Variants in RBFOX2 observed in about 807,000 individuals in gnomAD.
RBFOX2 encodes the protein RNA binding protein fox-1 homolog 2.
RBFOX2 carries 10 observed loss-of-function variants against 49.1 expected under a neutral mutation model. The ratio of observed to expected loss-of-function variants is 0.20; its 90% CI spans 0.13 to 0.35. The LOEUF is 0.35. Ranked by LOEUF, RBFOX2 falls within the 10% of genes least tolerant of loss-of-function variation. The probability of loss-of-function intolerance (pLI) is 1.00; values close to 1 mark genes in which losing one functional copy is unlikely to be tolerated. For synonymous variants in RBFOX2, 183 were observed against 187.4 expected (o/e 0.98, Z 0.19); for missense variants, 323 against 486.9 (o/e 0.66, Z 3.17).
At chr22:36,028,678 C>G (rs2059545307) in exon 1 of RBFOX2, among the ~76,000 whole-genome samples, 1 of 150,228 alleles carries the variant, frequency 6.7e-6, no homozygotes, top group Admixed American at 6.6e-5. Flanking sequence ...GTGATGAGCA[C>G]TCGCTCGCGC....
chr22:36,028,819 C>T (rs2146650841), exon 1 of RBFOX2, among the ~76,000 whole-genome samples: 1 of 151,924 alleles, frequency 6.6e-6, no homozygotes, highest in Admixed American at 6.5e-5. Flanking sequence ...AGGAAGGGGG[C>T]GGTCCGGGCT....
At chr22:35,805,146 C>T (rs554888948) in intron 2 of RBFOX2, among the ~76,000 whole-genome samples, 51 of 151,884 alleles carry the variant, frequency 3.4e-4, no homozygotes, top group South Asian at 2.7e-3. Flanking sequence ...AAAAATTAGC[C>T]GGGCGTGGTG....
chr22:36,021,084 A>G (rs1393632365), intron 1 of RBFOX2, among the ~76,000 whole-genome samples: 1 of 152,156 alleles, frequency 6.6e-6, no homozygotes, highest in Non-Finnish European at 1.5e-5. Flanking sequence ...GGATGAGTTC[A>G]CGTCCTTTGT....
intron 1 of RBFOX2, among the ~76,000 whole-genome samples, chr22:35,917,770 T>G (rs1738839247): frequency 6.6e-6 from 1 of 152,188 alleles, no homozygotes; most frequent in South Asian, 2.1e-4. Flanking sequence ...TAAATTTTCA[T>G]CATCACAATC....
intron 1 of RBFOX2, among the ~76,000 whole-genome samples, chr22:35,819,101 G>A (rs574110152): frequency 2.0e-5 from 3 of 152,150 alleles, no homozygotes; most frequent in African/African-American, 7.2e-5. Flanking sequence ...AATCATAAAC[G>A]TCTTCATCAT....
intron 2 of RBFOX2, among the ~76,000 whole-genome samples, chr22:35,786,373 T>C (rs1321023643): frequency 6.6e-6 from 1 of 152,256 alleles, no homozygotes. Flanking sequence ...TATCATTTCC[T>C]AAATTCTCAA....
At chr22:35,832,375 A>C (rs1569316187) in intron 1 of RBFOX2, among the ~76,000 whole-genome samples, 2 of 152,144 alleles carry the variant, frequency 1.3e-5, no homozygotes, top group African/African-American at 4.8e-5. Context: ...CCTGTCTCAA[A>C]AACAACAAAA....
chr22:35,937,439 C>T (rs973244614), intron 1 of RBFOX2, among the ~76,000 whole-genome samples: 4 of 152,124 alleles, frequency 2.6e-5, no homozygotes, highest in Admixed American at 6.5e-5. Flanking sequence ...CTTCTTCTCC[C>T]GATGCCTTAT....
intron 1 of RBFOX2, among the ~76,000 whole-genome samples, chr22:35,826,342 C>CAAAAAAAAAAAA (rs1160241662): frequency 1.6e-5 from 1 of 62,204 alleles, no homozygotes; most frequent in African/African-American, 5.4e-5. Context: ...AACTCCATCT[C>CAAAAAAAAAAAA]AAAAAAAAAA....
intron 1 of RBFOX2, chr22:35,897,851 C>A: frequency 1.4e-6 from 1 of 737,750 alleles, no homozygotes; most frequent in Admixed American, 1.8e-5. Context: ...TCTCCAACAG[C>A]CTTCTTTCTC....
chr22:35,888,012 C>G (rs746943417), intron 1 of RBFOX2, among the ~76,000 whole-genome samples: 5 of 152,136 alleles, frequency 3.3e-5, no homozygotes, highest in Non-Finnish European at 5.9e-5. Flanking sequence ...CCCTCCTAAG[C>G]CAGTTTAGAT....
intron 2 of RBFOX2, among the ~76,000 whole-genome samples, chr22:35,783,002 C>T (rs1205945869): frequency 6.6e-6 from 1 of 152,154 alleles, no homozygotes; most frequent in Non-Finnish European, 1.5e-5. Flanking sequence ...TGCCTGCACT[C>T]TGTTATTTTC....
intron 1 of RBFOX2, among the ~76,000 whole-genome samples, chr22:35,979,095 G>A (rs913290682): frequency 3.9e-5 from 6 of 152,156 alleles, no homozygotes; most frequent in Non-Finnish European, 8.8e-5. Flanking sequence ...TTTGCCTCCA[G>A]ATATGATGCA....
At chr22:35,830,299 C>T (rs111349498) in intron 1 of RBFOX2, among the ~76,000 whole-genome samples, 54 of 152,256 alleles carry the variant, frequency 3.5e-4, no homozygotes, top group African/African-American at 1.3e-3. Flanking sequence ...GCTAAACGAA[C>T]AATGCATACA....
At chr22:36,008,295 G>T (rs544602231) in intron 1 of RBFOX2, among the ~76,000 whole-genome samples, 1 of 152,172 alleles carries the variant, frequency 6.6e-6, no homozygotes, top group Non-Finnish European at 1.5e-5. Flanking sequence ...ATCTAGCAAT[G>T]TTTAACATGT....
chr22:35,970,029 A>T (rs1409535367), intron 1 of RBFOX2, among the ~76,000 whole-genome samples: 1 of 152,188 alleles, frequency 6.6e-6, no homozygotes, highest in Non-Finnish European at 1.5e-5. Flanking sequence ...AAAACAAACA[A>T]CATCTTAGCT....
chr22:35,973,662 T>C (rs1204709136), intron 1 of RBFOX2, among the ~76,000 whole-genome samples: 1 of 152,232 alleles, frequency 6.6e-6, no homozygotes, highest in Admixed American at 6.5e-5. Context: ...ACACAGTATC[T>C]GCTCTTATCT....
At chr22:36,015,722 A>G (rs2059007658) in intron 1 of RBFOX2, among the ~76,000 whole-genome samples, 1 of 152,234 alleles carries the variant, frequency 6.6e-6, no homozygotes, top group Admixed American at 6.5e-5. Flanking sequence ...ATGCTTTTGC[A>G]GATGAAGGAG....
intron 1 of RBFOX2, among the ~76,000 whole-genome samples, chr22:35,895,094 T>TTCTCTC (rs376377053): frequency 1.3e-5 from 2 of 150,336 alleles, no homozygotes; most frequent in Non-Finnish European, 3.0e-5. Flanking sequence ...CTCTCTCTCT[T>TTCTCTC]TCTCTCTCTC....
Sources: allele counts gnomAD v4.1 joint callset (sites outside exome capture counted in the v4.1 genomes callset), GRCh38; gene constraint gnomAD v4.1.1; transcripts MANE v1.5; gene names NCBI Gene and HGNC (gene_info 2026-07-23, HGNC 2026-07-21).